The following IGSF11 variants were observed in gnomAD, a reference collection of about 807,000 sequenced individuals.
The protein encoded by IGSF11 is CXADR like 1.
IGSF11 carries 22 observed loss-of-function variants against 41.0 expected under a neutral mutation model. The observed-to-expected ratio is 0.54, with a 90% CI of 0.38 to 0.77. The LOEUF (loss-of-function observed/expected upper bound fraction) is 0.77. Ranked by LOEUF, IGSF11 falls within the 30% of genes least tolerant of loss-of-function variation. IGSF11 has a pLI of 0.00. For missense variants in IGSF11, 444 were observed against 530.8 expected, an observed-to-expected ratio of 0.84 and a Z score of 1.61; for synonymous variants, 219 against 201.3, an observed-to-expected ratio of 1.09 and a Z score of -0.74.
chr3:119,089,299 C>A (rs1576785559), intron 1 of IGSF11, among the ~76,000 whole-genome samples: 1 of 152,016 alleles, frequency 6.6e-6, no homozygotes, highest in Non-Finnish European at 1.5e-5. Context: ...AAATGTTTCA[C>A]CACATAAACA....
intron 1 of IGSF11, among the ~76,000 whole-genome samples, chr3:119,052,014 A>C (rs762622350): frequency 2.6e-5 from 4 of 152,138 alleles, no homozygotes; most frequent in Non-Finnish European, 5.9e-5. Flanking sequence ...TTAAATGCCT[A>C]CATCAAAAAC....
At chr3:118,971,722 G>C (rs540324644) in intron 1 of IGSF11, among the ~76,000 whole-genome samples, 26 of 151,248 alleles carry the variant, frequency 1.7e-4, no homozygotes, top group African/African-American at 6.1e-4. Flanking sequence ...AGAATTGCTT[G>C]ACCCTGGGAG....
intron 1 of IGSF11, among the ~76,000 whole-genome samples, chr3:119,030,382 T>A (rs1163481585): frequency 6.6e-6 from 1 of 152,184 alleles, no homozygotes; most frequent in Non-Finnish European, 1.5e-5. Flanking sequence ...ATGCGGTAGA[T>A]CATTGGCTGA....
At chr3:119,043,679 G>C (rs1238953230) in intron 1 of IGSF11, among the ~76,000 whole-genome samples, 6 of 152,208 alleles carry the variant, frequency 3.9e-5, no homozygotes, top group African/African-American at 1.4e-4. Context: ...ACCTCCACCA[G>C]AGCAGGTTCT....
intron 1 of IGSF11, among the ~76,000 whole-genome samples, chr3:119,066,941 T>G (rs1313622755): frequency 6.6e-6 from 1 of 152,220 alleles, no homozygotes; most frequent in Non-Finnish European, 1.5e-5. Flanking sequence ...ATTTTATCTA[T>G]GAGTCCACAT....
intron 1 of IGSF11, among the ~76,000 whole-genome samples, chr3:118,939,190 A>G (rs984851258): frequency 6.6e-6 from 1 of 152,228 alleles, no homozygotes; most frequent in Non-Finnish European, 1.5e-5. Context: ...TGAACTTCAG[A>G]AATTTTTAAA....
intron 1 of IGSF11, among the ~76,000 whole-genome samples, chr3:119,052,424 AAGCAAACAGGAAGGG>A (rs1339563171): frequency 1.4e-5 from 2 of 146,060 alleles, no homozygotes; most frequent in Non-Finnish European, 3.0e-5. Context: ...GAAAGGAAGC[AAGCAAACAGGAAGGG>A]AGGGAGGGAG....
At chr3:119,036,194 G>T (rs1241160185), upstream of IGSF11, among the ~76,000 whole-genome samples, 3 of 152,154 alleles carry the variant, frequency 2.0e-5, no homozygotes, top group African/African-American at 7.2e-5. Flanking sequence ...CCTCAACTTT[G>T]CTCACTACTT....
At chr3:119,057,047 C>A (rs1576742974) in intron 1 of IGSF11, among the ~76,000 whole-genome samples, 1 of 152,280 alleles carries the variant, frequency 6.6e-6, no homozygotes, top group East Asian at 1.9e-4. Context: ...GAAGCATTCC[C>A]TTTGAAAACT....
chr3:119,092,630 G>A (rs550072948), intron 1 of IGSF11, among the ~76,000 whole-genome samples: 5 of 152,198 alleles, frequency 3.3e-5, no homozygotes, highest in East Asian at 1.9e-4. Flanking sequence ...GTGCCCAGCC[G>A]TGTACAGTGT....
Position 118,905,709 on chromosome 3 carries a change from T to C in IGSF11, c.590A>G (p.Gln197Arg). The C allele has an allele frequency of 6.2e-7, 1 of 1,613,760 alleles. No homozygotes were observed. Among genetic ancestry groups the C allele is most frequent in the Non-Finnish European group, 8.5e-7 (1 of 1,179,732 alleles). The change falls in exon 5 of 7, where the codon CAG (glutamine) becomes CGG (arginine). Residue 197 changes from glutamine to arginine, a missense_variant. By Grantham distance (43) the Gln-to-Arg change is conservative (BLOSUM62 1). Around this residue, in one of 3 missense-constraint regions of IGSF11, gnomAD observed 193 missense variants for 283.5 expected, o/e 0.68. Coordinates refer to ENST00000393775, the MANE Select transcript of IGSF11 (RefSeq NM_001015887.3). ...LPPTATQDQV[Q>R]GTVTIRNISA... ...GATGTTCCGGATGGTGACTGTTCCCTGGACCTGGTCTGTCACAAAAATAAT... is the reference window on the plus strand; with the variant it reads ...GATGTTCCGGATGGTGACTGTTCCCCGGACCTGGTCTGTCACAAAAATAAT...
chr3:119,093,454 C>A (rs1245625876), intron 1 of IGSF11, among the ~76,000 whole-genome samples: 2 of 151,468 alleles, frequency 1.3e-5, no homozygotes, highest in Non-Finnish European at 2.9e-5. Flanking sequence ...GTTGAAAACA[C>A]TTCTTAGGAA....
At position 119,047,715 on chromosome 3, in the gene IGSF11, C is replaced by A. The variant is rs1299246751; in HGVS notation, c.49+57429G>T. Among the ~76,000 whole-genome samples, 3 of 152,094 alleles carry A rather than the reference C, an allele frequency of 2.0e-5. No individual in the cohort carries two copies. In the East Asian group the frequency reaches 5.8e-4, roughly 29 times the overall value. ...ATACATTTTTTTCAGCACCACACCA[C>A]ACCTATTCCAAAATTGACCACACAC... On this transcript the variant is annotated intron_variant, in intron 1 of 6. Coordinates refer to the IGSF11 transcript ENST00000354673.
intron 1 of IGSF11, among the ~76,000 whole-genome samples, chr3:118,984,229 C>A (rs1323878200): frequency 6.6e-6 from 1 of 151,444 alleles, no homozygotes; most frequent in African/African-American, 2.4e-5. Flanking sequence ...GTATCCTTCC[C>A]CTCCCCTTAT....
chr3:119,120,892 T>C (rs896656189), intron 1 of IGSF11, among the ~76,000 whole-genome samples: 2 of 152,164 alleles, frequency 1.3e-5, no homozygotes, highest in African/African-American at 4.8e-5. Flanking sequence ...GAAGAAATGG[T>C]TTGGGGTTGC....
chr3:119,049,702 G>A (rs1463017207), intron 1 of IGSF11, among the ~76,000 whole-genome samples: 1 of 152,106 alleles, frequency 6.6e-6, no homozygotes, highest in Non-Finnish European at 1.5e-5. Context: ...TCAATCCTAA[G>A]CCAAAAGAAC....
At chr3:119,097,521 A>G (rs988852961) in intron 1 of IGSF11, among the ~76,000 whole-genome samples, 2 of 151,838 alleles carry the variant, frequency 1.3e-5, no homozygotes, top group Non-Finnish European at 2.9e-5. Context: ...TTCACCCCAA[A>G]CCTGGCCTTC....
At chr3:119,075,453 G>A (rs1370620270) in intron 1 of IGSF11, among the ~76,000 whole-genome samples, 3 of 152,072 alleles carry the variant, frequency 2.0e-5, no homozygotes, top group African/African-American at 7.2e-5. Context: ...ACAAAGAGAA[G>A]GACTCCTACC....
chr3:119,100,868 A>C lies in IGSF11; in HGVS notation c.49+4276T>G, dbSNP rs367928579. On this transcript the variant is annotated intron_variant, in intron 1 of 6. Coordinates refer to the IGSF11 transcript ENST00000354673. ...ATGGAAACTGTTCACAAATATGTAA[A>C]TCGAAAGTCATGGAATGGGATGACA... Among the ~76,000 whole-genome samples, 11 of 152,336 alleles carry C rather than the reference A, an allele frequency of 7.2e-5. No homozygotes were observed. The South Asian group carries it at 1.2e-3, about 17-fold the overall frequency.
Sources: allele counts gnomAD v4.1 joint callset (sites outside exome capture counted in the v4.1 genomes callset), GRCh38; gene constraint gnomAD v4.1.1; regional missense constraint gnomAD v4.1.1; transcripts MANE v1.5; gene names NCBI Gene and HGNC (gene_info 2026-07-23, HGNC 2026-07-21).